SORCS1: variants seen among roughly 807,000 people sequenced by gnomAD.
The protein encoded by SORCS1 is VPS10 domain-containing receptor SorCS1.
SORCS1 carries 60 observed loss-of-function variants against 146.1 expected under a neutral mutation model. That is an observed-to-expected ratio of 0.41 (90% CI 0.33 to 0.51). The LOEUF is 0.51. Among genes scored for constraint, SORCS1 ranks in the 20% least tolerant of loss-of-function variants. SORCS1 has a pLI of 0.21. For missense variants in SORCS1, 1,352 were observed against 1,487.6 expected (o/e 0.91, Z 1.50); for synonymous variants, 637 against 584.0 (o/e 1.09, Z -1.31).
At chr10:106,607,429 A>C in intron 22 of SORCS1, 132 bp from the exon 23 acceptor site, 3 of 1,217,572 alleles carry the variant, frequency 2.5e-6, no homozygotes, top group Non-Finnish European at 3.4e-6. Context: ...GCCTGGGCAT[A>C]TCAGGCAGGG....
intron 2 of SORCS1, among the ~76,000 whole-genome samples, chr10:106,831,455 G>T (rs1228019927): frequency 6.6e-6 from 1 of 152,146 alleles, no homozygotes; most frequent in Admixed American, 6.5e-5. Flanking sequence ...TAAGTGCAAA[G>T]ATAGAGATAT....
chr10:106,585,045 G>GA (rs199815964), intron 24 of SORCS1, among the ~76,000 whole-genome samples: 5,285 of 150,118 alleles, frequency 0.035, 282 homozygotes, highest in African/African-American at 0.12. Context: ...GGCTTCACTT[G>GA]AAAAAAAAAC....
chr10:106,854,932 T>A (rs1208543438), intron 2 of SORCS1, among the ~76,000 whole-genome samples: 1 of 152,194 alleles, frequency 6.6e-6, no homozygotes, highest in Non-Finnish European at 1.5e-5. Context: ...TAAAGGTTTT[T>A]GTGGTACATT....
At chr10:106,607,035 T>C (rs1846648037) in intron 23 of SORCS1, 131 bp downstream of exon 23, 7 of 1,207,822 alleles carry the variant, frequency 5.8e-6, no homozygotes, top group Non-Finnish European at 7.0e-6. Flanking sequence ...CTACCATGAA[T>C]GCTCTTGCAT....
chr10:106,801,524 ATT>A (rs34849434), intron 3 of SORCS1, among the ~76,000 whole-genome samples: 323 of 113,800 alleles, frequency 2.8e-3, no homozygotes, highest in East Asian at 0.016. Context: ...TAGTATAGCC[ATT>A]TTTTTTTTTT....
chr10:106,698,813 C>A (rs765882671), intron 9 of SORCS1, among the ~76,000 whole-genome samples: 150 of 152,210 alleles, frequency 9.9e-4, no homozygotes, highest in Non-Finnish European at 1.1e-3. Flanking sequence ...ATGCAGGAGA[C>A]CTTATCCCCT....
At chr10:106,673,889 AT>A (rs1296634042) in intron 14 of SORCS1, among the ~76,000 whole-genome samples, 1 of 152,208 alleles carries the variant, frequency 6.6e-6, no homozygotes, top group Non-Finnish European at 1.5e-5. Context: ...GTTTTTTAAA[AT>A]CTGTTTTGAA....
chr10:106,860,576 G>C (rs1304830270), intron 2 of SORCS1, among the ~76,000 whole-genome samples: 3 of 152,182 alleles, frequency 2.0e-5, no homozygotes, highest in Admixed American at 1.3e-4. Flanking sequence ...ACTTAAGGAA[G>C]ATGATCAGCT....
At chr10:107,038,700 G>GC (rs1215413140) in intron 1 of SORCS1, among the ~76,000 whole-genome samples, 14 of 19,176 alleles carry the variant, frequency 7.3e-4, no homozygotes, top group African/African-American at 5.8e-3. Flanking sequence ...AGGGGGCGGG[G>GC]GGGGAGGTGG....
intron 1 of SORCS1, among the ~76,000 whole-genome samples, chr10:107,070,821 G>T (rs2134178158): frequency 6.6e-6 from 1 of 152,066 alleles, no homozygotes; most frequent in African/African-American, 2.4e-5. Flanking sequence ...TCTAATTCAT[G>T]TACACAGACA....
At chr10:106,958,098 T>C (rs185099707) in intron 1 of SORCS1, among the ~76,000 whole-genome samples, 4 of 152,346 alleles carry the variant, frequency 2.6e-5, no homozygotes, top group Admixed American at 2.6e-4. Flanking sequence ...CACCTGGTTA[T>C]TTGAAATACA....
chr10:106,588,860 CAAAAAAAAAAAAAA>C (rs778852501), intron 24 of SORCS1, among the ~76,000 whole-genome samples: 3 of 35,116 alleles, frequency 8.5e-5, no homozygotes, highest in East Asian at 5.4e-4. Context: ...GACTCCATCT[CAAAAAAAAAAAAAA>C]AAAAAAAAAA....
intron 1 of SORCS1, among the ~76,000 whole-genome samples, chr10:107,021,765 AC>A (rs1187145075): frequency 1.3e-5 from 2 of 152,100 alleles, no homozygotes; most frequent in African/African-American, 2.4e-5. Context: ...GAAATTTCAA[AC>A]TTTTTCACTA....
chr10:107,022,313 C>T (rs550032651), intron 1 of SORCS1, among the ~76,000 whole-genome samples: 108 of 152,260 alleles, frequency 7.1e-4, no homozygotes, highest in Non-Finnish European at 1.3e-3. Context: ...CACACTGGTC[C>T]GGAGTCCAGA....
intron 1 of SORCS1, among the ~76,000 whole-genome samples, chr10:107,037,529 A>G (rs1958955013): frequency 6.6e-6 from 1 of 152,278 alleles, no homozygotes; most frequent in South Asian, 2.1e-4. Flanking sequence ...CACATTTTAT[A>G]AATGAGCTGT....
rs376036249 is a variant in SORCS1, at chr10:106,706,595, G to A, written c.1183C>T (p.Arg395Ter). Residue 395 changes from arginine (R) to a stop codon, truncating the protein, a stop_gained, in exon 8 of 26, where the codon CGA becomes TGA. Coordinates refer to ENST00000263054, the MANE Select transcript of SORCS1 (RefSeq NM_052918.5). LOFTEE classifies it high-confidence loss of function. Reference protein sequence around the residue: ...GGRPHYYVSYRRNAFAQMKLP... With the variant: ...GGRPHYYVSY ...TTCATTTGGGCAAATGCATTCCTTC[G>A]GTAGGACACGTAGTAATGTGGCCGC... 1.2e-6 allele frequency: 2 copies of A among 1,614,008 alleles called. No homozygotes were observed. Among genetic ancestry groups the A allele is most frequent in the Admixed American group, 1.7e-5 (1 of 59,992 alleles).
intron 17 of SORCS1, among the ~76,000 whole-genome samples, chr10:106,666,773 C>T (rs1851190499): frequency 6.6e-6 from 1 of 151,112 alleles, no homozygotes; most frequent in Non-Finnish European, 1.5e-5. Flanking sequence ...ACCATGTTGG[C>T]CAGGCTGCTC....
intron 3 of SORCS1, among the ~76,000 whole-genome samples, chr10:106,810,907 T>C (rs1356350239): frequency 1.3e-5 from 2 of 151,992 alleles, no homozygotes; most frequent in African/African-American, 4.8e-5. Context: ...CTAGTTTTTA[T>C]GTCAAAGGGA....
chr10:106,842,207 A>C (rs11498800), intron 2 of SORCS1, among the ~76,000 whole-genome samples: 5,806 of 152,132 alleles, frequency 0.038, 298 homozygotes, highest in East Asian at 0.24. Flanking sequence ...CTTACTGGAC[A>C]TCTGTATATG....
Sources: gnomAD v4.1 joint callset for allele counts (sites outside exome capture counted in the v4.1 genomes callset) on GRCh38, gnomAD v4.1.1 for gene constraint, MANE v1.5 for transcripts, NCBI Gene and HGNC (gene_info 2026-07-23, HGNC 2026-07-21) for gene names.